The following UCK2 variants were observed in gnomAD, a reference collection of about 807,000 sequenced individuals.
UCK2 encodes the protein uridine-cytidine kinase 2.
UCK2 carries 6 observed loss-of-function variants against 30.8 expected under a neutral mutation model. The ratio of observed to expected loss-of-function variants is 0.19; its 90% confidence interval spans 0.11 to 0.38. The LOEUF is 0.38. Among genes scored for constraint, UCK2 ranks in the 10% least tolerant of loss-of-function variants. The probability of loss-of-function intolerance (pLI) is 1.00; values close to 1 mark genes in which losing one functional copy is unlikely to be tolerated. For missense variants in UCK2, 210 were observed against 339.8 expected, an observed-to-expected ratio of 0.62 and a Z score of 3.00; for synonymous variants, 125 against 133.6, an observed-to-expected ratio of 0.94 and a Z score of 0.45.
chr1:165,855,971 T>G (rs564730905), intron 1 of UCK2, among the ~76,000 whole-genome samples: 1 of 152,086 alleles, frequency 6.6e-6, no homozygotes, highest in African/African-American at 2.4e-5. Flanking sequence ...GGTCCAGCGG[T>G]TGGGAATCTG....
intron 1 of UCK2, among the ~76,000 whole-genome samples, chr1:165,832,117 C>T (rs1414760058): frequency 1.3e-5 from 2 of 152,174 alleles, no homozygotes; most frequent in Non-Finnish European, 2.9e-5. Context: ...ACTGAACTGT[C>T]TTCACTTACA....
At chr1:165,857,651 C>A (rs1654782645) in intron 1 of UCK2, among the ~76,000 whole-genome samples, 1 of 152,134 alleles carries the variant, frequency 6.6e-6, no homozygotes, top group Non-Finnish European at 1.5e-5. Flanking sequence ...AGTGTGTGCT[C>A]ACACCTGGTA....
rs377473406 is a variant in UCK2, at chr1:165,851,378, G to GT, written c.99+23455dup. ...TTGGAAGCCCTCATTTTGTGCCCAT[G>GT]TTTTTTTTTCCTGGATCTGGATGTG... On this transcript the variant is annotated intron_variant, in intron 1 of 6. Coordinates refer to ENST00000367879, the MANE Select transcript of UCK2 (RefSeq NM_012474.5). 1.6e-3 allele frequency among the ~76,000 whole-genome samples: 244 copies of GT among 151,598 alleles called. 1 individual carries two copies. The highest frequency in any genetic ancestry group is 5.6e-3 in the African/African-American group (230 of 41,368).
At chr1:165,887,576 G>T (rs1035020845) in intron 1 of UCK2, among the ~76,000 whole-genome samples, 1 of 151,908 alleles carries the variant, frequency 6.6e-6, no homozygotes, top group Non-Finnish European at 1.5e-5. Context: ...ATTTGGCTTC[G>T]TGAATCACTT....
chr1:165,899,468 A>T (rs76061232), intron 4 of UCK2, among the ~76,000 whole-genome samples: 1 of 152,076 alleles, frequency 6.6e-6, no homozygotes, highest in Non-Finnish European at 1.5e-5. Context: ...ACATTTCCTC[A>T]TCAGATTTTT....
rs186572644 is a variant in UCK2 at position 165,838,490 on chromosome 1, A to G, written c.99+10558A>G. ...CGTGTCTCCTTCTCATGATCACTCT[A>G]TTTAAAATTGTAAACATTAGACACT... On this transcript the variant is annotated intron_variant, in intron 1 of 6. Transcript: ENST00000367879. Among the ~76,000 whole-genome samples, 263 of 152,258 alleles carry G rather than the reference A, an allele frequency of 1.7e-3. 1 individual carries two copies. The highest frequency in any genetic ancestry group is 9.5e-3 in the South Asian group (46 of 4,826).
chr1:165,900,852 G>A (rs1647436201), intron 4 of UCK2, among the ~76,000 whole-genome samples: 1 of 152,216 alleles, frequency 6.6e-6, no homozygotes, highest in South Asian at 2.1e-4. Context: ...CCAGCATCAG[G>A]CGTTTGCAGG....
intron 1 of UCK2, among the ~76,000 whole-genome samples, chr1:165,871,501 T>C (rs1655195750): frequency 1.3e-5 from 2 of 152,156 alleles, no homozygotes; most frequent in African/African-American, 4.8e-5. Flanking sequence ...GGAAGTCCCT[T>C]ACAACCCACT....
chr1:165,894,856 A>G (rs1367556222), intron 3 of UCK2, among the ~76,000 whole-genome samples: 5 of 152,166 alleles, frequency 3.3e-5, no homozygotes, highest in Non-Finnish European at 5.9e-5. Flanking sequence ...CACAGATGGA[A>G]CTACTGTTTT....
At chr1:165,837,935 T>C (rs996397385) in intron 1 of UCK2, among the ~76,000 whole-genome samples, 3 of 152,224 alleles carry the variant, frequency 2.0e-5, no homozygotes, top group Non-Finnish European at 1.5e-5. Flanking sequence ...CTCGGGGTTA[T>C]CCTTGACTAC....
chr1:165,834,354 C>T (rs1353639226), intron 1 of UCK2, among the ~76,000 whole-genome samples: 1 of 152,160 alleles, frequency 6.6e-6, no homozygotes, highest in Non-Finnish European at 1.5e-5. Context: ...GTCCCAGCTA[C>T]TTGGGAGACT....
intron 1 of UCK2, among the ~76,000 whole-genome samples, chr1:165,849,500 AT>A (rs771618038): frequency 1.3e-5 from 2 of 152,186 alleles, no homozygotes; most frequent in Admixed American, 6.5e-5. Flanking sequence ...ATTGAGAGGG[AT>A]GGTGGACAGG....
intron 1 of UCK2, among the ~76,000 whole-genome samples, chr1:165,848,690 C>T (rs1654516718): frequency 6.6e-6 from 1 of 151,864 alleles, no homozygotes; most frequent in Non-Finnish European, 1.5e-5. Flanking sequence ...CCAAAAACCC[C>T]CTGAGCTTTA....
intron 1 of UCK2, among the ~76,000 whole-genome samples, chr1:165,836,508 A>AT (rs1654196417): frequency 1.3e-5 from 2 of 152,174 alleles, no homozygotes; most frequent in African/African-American, 2.4e-5. Flanking sequence ...AATACAGTGG[A>AT]TTTTTTGAAT....
In UCK2 at chr1:165,890,281, G is replaced by A. The variant is rs141107003; in HGVS notation, c.177G>A (p.Leu59=). Residue 59 remains leucine (L), a synonymous_variant, in exon 2 of 7, where the codon CTG becomes CTA. Coordinates refer to ENST00000367879, the MANE Select transcript of UCK2 (RefSeq NM_012474.5). ...VDYRQKQVVI[L]SQDSFYRVLT... is the part of the protein sequence containing the mutation. The stretch of plus-strand genomic sequence containing the variant: ...ATCGCCAGAAGCAGGTGGTCATCCT[G>A]AGCCAGGATAGCTTCTACCGTGTCC... The A allele has an allele frequency of 6.2e-7, 1 of 1,614,050 alleles. No individual in the cohort carries two copies. The highest frequency in any genetic ancestry group is 1.3e-5 in the African/African-American group (1 of 74,912).
chr1:165,850,165 C>G (rs1438777480), intron 1 of UCK2, among the ~76,000 whole-genome samples: 1 of 152,116 alleles, frequency 6.6e-6, no homozygotes, highest in Non-Finnish European at 1.5e-5. Flanking sequence ...GAGTTTTGCT[C>G]TTGTTACCCA....
intron 3 of UCK2, among the ~76,000 whole-genome samples, chr1:165,894,920 C>A (rs1655855787): frequency 6.6e-6 from 1 of 152,080 alleles, no homozygotes; most frequent in Admixed American, 6.6e-5. Flanking sequence ...TGAGTGGAAA[C>A]CTTGCAATGA....
intron 1 of UCK2, among the ~76,000 whole-genome samples, chr1:165,860,339 A>G (rs1345692291): frequency 2.0e-5 from 3 of 151,908 alleles, no homozygotes; most frequent in African/African-American, 4.8e-5. Flanking sequence ...TGCTTTTCCA[A>G]TTGCTTTTCT....
At chr1:165,863,903 TAAA>T (rs984106730) in intron 1 of UCK2, among the ~76,000 whole-genome samples, 5 of 152,242 alleles carry the variant, frequency 3.3e-5, no homozygotes, top group African/African-American at 1.2e-4. Context: ...ACGTATTTGT[TAAA>T]TATGGCAGTC....
Sources: gnomAD v4.1 joint callset for allele counts (sites outside exome capture counted in the v4.1 genomes callset) on GRCh38, gnomAD v4.1.1 for gene constraint, MANE v1.5 for transcripts, NCBI Gene and HGNC (gene_info 2026-07-23, HGNC 2026-07-21) for gene names.